Variants in RIT2 observed in about 807,000 individuals in gnomAD.
RIT2 encodes Ras like without CAAX 2.
A neutral mutation model predicts 23.7 loss-of-function variants in RIT2; 24 were observed. The observed-to-expected ratio is 1.01, with a 90% CI of 0.73 to 1.43. The LOEUF is 1.43. RIT2 is among the 40% of genes most tolerant of loss of function. RIT2 has a pLI of 0.00. For missense variants in RIT2, 236 were observed against 266.9 expected (o/e 0.88, Z 0.81); for synonymous variants, 107 against 91.1 (o/e 1.17, Z -0.99).
chr18:42,785,363 T>A (rs1356560758), intron 4 of RIT2, among the ~76,000 whole-genome samples: 1 of 152,260 alleles, frequency 6.6e-6, no homozygotes, highest in South Asian at 2.1e-4. Flanking sequence ...GACTTTAAAG[T>A]TCTGTTTATA....
At chr18:43,001,806 C>T (rs1257681636) in intron 2 of RIT2, among the ~76,000 whole-genome samples, 2 of 120,914 alleles carry the variant, frequency 1.7e-5, no homozygotes, top group Admixed American at 1.9e-4. Flanking sequence ...CATCTGTTAA[C>T]ATAGAATTGA....
At chr18:42,807,451 T>C (rs2143970343) in intron 4 of RIT2, among the ~76,000 whole-genome samples, 1 of 152,198 alleles carries the variant, frequency 6.6e-6, no homozygotes, top group South Asian at 2.1e-4. Context: ...ATCCCATCTC[T>C]ACTAAAAATA....
chr18:42,853,431 A>G (rs919643168), intron 4 of RIT2, among the ~76,000 whole-genome samples: 1 of 152,244 alleles, frequency 6.6e-6, no homozygotes, highest in African/African-American at 2.4e-5. Context: ...CATCATTTGG[A>G]ATAAATTAAT....
intron 4 of RIT2, among the ~76,000 whole-genome samples, chr18:42,800,572 G>A (rs1320294698): frequency 6.6e-6 from 1 of 150,586 alleles, no homozygotes; most frequent in African/African-American, 2.4e-5. Context: ...GCCCAGGCTG[G>A]AGTGCTGGCG....
chr18:43,087,205 G>A (rs1913304962), intron 1 of RIT2, among the ~76,000 whole-genome samples: 1 of 151,928 alleles, frequency 6.6e-6, no homozygotes, highest in African/African-American at 2.4e-5. Flanking sequence ...TCACACCACT[G>A]CAGTCTAGCC....
chr18:42,935,782 G>A (rs1000008864), intron 3 of RIT2, among the ~76,000 whole-genome samples: 4 of 152,090 alleles, frequency 2.6e-5, no homozygotes, highest in African/African-American at 9.7e-5. Context: ...CCTCCACAGG[G>A]AGGGAGCGGG....
At chr18:43,017,801 T>TCA (rs1281487613) in intron 2 of RIT2, among the ~76,000 whole-genome samples, 1 of 152,004 alleles carries the variant, frequency 6.6e-6, no homozygotes, top group Non-Finnish European at 1.5e-5. Flanking sequence ...CTTCCCAGCA[T>TCA]CACACAGATG....
intron 1 of RIT2, among the ~76,000 whole-genome samples, chr18:43,086,927 C>T (rs4547424): frequency 0.09 from 13,688 of 152,168 alleles, 697 homozygotes; most frequent in East Asian, 0.18. Context: ...TCTTTGATTC[C>T]CAACAGGTGG....
intron 3 of RIT2, among the ~76,000 whole-genome samples, chr18:42,925,392 C>CATTTCTTTGGAAAAGA (rs1909155299): frequency 1.3e-5 from 2 of 151,878 alleles, no homozygotes; most frequent in Admixed American, 1.3e-4. Context: ...CTCATAATTA[C>CATTTCTTTGGAAAAGA]ATTTCTTTGG....
At chr18:42,841,002 C>T (rs1906752725) in intron 4 of RIT2, among the ~76,000 whole-genome samples, 1 of 152,142 alleles carries the variant, frequency 6.6e-6, no homozygotes, top group South Asian at 2.1e-4. Flanking sequence ...GCACAAAATT[C>T]CTGTTTGGCA....
chr18:42,824,780 T>TG (rs1906249014), intron 4 of RIT2, among the ~76,000 whole-genome samples: 1 of 151,628 alleles, frequency 6.6e-6, no homozygotes, highest in Non-Finnish European at 1.5e-5. Flanking sequence ...TGTGTGTGTG[T>TG]TTGTGTTTAA....
chr18:42,862,007 AGAG>A (rs1197266392), intron 4 of RIT2, among the ~76,000 whole-genome samples: 1 of 152,230 alleles, frequency 6.6e-6, no homozygotes, highest in Admixed American at 6.5e-5. Flanking sequence ...TAAGCATGAC[AGAG>A]GAGAGGATCT....
intron 4 of RIT2, among the ~76,000 whole-genome samples, chr18:42,839,977 G>A (rs1323200492): frequency 6.6e-6 from 1 of 152,162 alleles, no homozygotes; most frequent in African/African-American, 2.4e-5. Context: ...TTGGATTAAC[G>A]ACTGAAAGTT....
rs1555647355 is a variant in RIT2 at position 42,929,034 on chromosome 18, G to GATTATATATATAT, written c.235-5272_235-5271insATATATATATAAT. On this transcript the variant is annotated intron_variant, in intron 3 of 4. Transcript: ENST00000326695. Reference sequence around the variant, plus strand: ...ACATATACTAAAACTAAAATATGGAGATATATATATATATATATATATATT... The same window carrying GATTATATATATAT: ...ACATATACTAAAACTAAAATATGGAGATTATATATATATATATATATATATATATATATATATT... Among the ~76,000 whole-genome samples, 954 of 96,944 alleles carry GATTATATATATAT rather than the reference G, an allele frequency of 9.8e-3. 9 individuals carry two copies. Among genetic ancestry groups the GATTATATATATAT allele is most frequent in the South Asian group, 0.033 (93 of 2,826 alleles). The allele number at this position is 96,944 out of a possible 152,430, so 63.6% of individuals were successfully genotyped here.
intron 4 of RIT2, among the ~76,000 whole-genome samples, chr18:42,792,002 T>C (rs1229075673): frequency 3.3e-5 from 5 of 152,160 alleles, no homozygotes; most frequent in South Asian, 2.1e-4. Context: ...TTACTGGCCA[T>C]GAACTTGGAA....
At position 42,996,814 on chromosome 18, in the gene RIT2, A is replaced by T. The variant is rs550506061; in HGVS notation, c.161-22667T>A. ...TCTTCACATGGATGCGCATGAAAGAAATCATCCTAGAAAAATGACTGCCCA... is the reference window on the plus strand; with the variant it reads ...TCTTCACATGGATGCGCATGAAAGATATCATCCTAGAAAAATGACTGCCCA... On this transcript the variant is annotated intron_variant, in intron 2 of 4. Coordinates refer to ENST00000326695, the MANE Select transcript of RIT2 (RefSeq NM_002930.4). 8.5e-5 allele frequency among the ~76,000 whole-genome samples: 13 copies of T among 152,254 alleles called. No homozygotes were observed. In the South Asian group the frequency reaches 2.7e-3, roughly 32 times the overall value.
chr18:42,937,536 T>C (rs1251361335), intron 3 of RIT2, among the ~76,000 whole-genome samples: 1 of 152,128 alleles, frequency 6.6e-6, no homozygotes, highest in African/African-American at 2.4e-5. Context: ...ATGCATGGAT[T>C]CCTATTTCCT....
chr18:42,967,209 T>C (rs1438688727), intron 3 of RIT2, among the ~76,000 whole-genome samples: 1 of 152,092 alleles, frequency 6.6e-6, no homozygotes, highest in African/African-American at 2.4e-5. Flanking sequence ...AGAGGAGACA[T>C]AGTTGCCTCT....
chr18:43,090,105 C>G (rs1398345047), intron 1 of RIT2, among the ~76,000 whole-genome samples: 6 of 152,066 alleles, frequency 3.9e-5, no homozygotes, highest in African/African-American at 1.2e-4. Context: ...AACAGACAAC[C>G]TACAAAATGG....
Sources: gnomAD v4.1 joint callset for allele counts (sites outside exome capture counted in the v4.1 genomes callset) on GRCh38, gnomAD v4.1.1 for gene constraint, MANE v1.5 for transcripts, NCBI Gene and HGNC (gene_info 2026-07-23, HGNC 2026-07-21) for gene names.